Variants in SHISA9 observed in about 807,000 individuals in gnomAD.
SHISA9 encodes shisa family member 9, also known as protein shisa-9.
SHISA9 carries 13 observed loss-of-function variants against 38.0 expected under a neutral mutation model. That is an observed-to-expected ratio of 0.34 (90% CI 0.22 to 0.54). The LOEUF (loss-of-function observed/expected upper bound fraction) is 0.54, where lower values mean the gene tolerates loss of function less well. SHISA9 is among the 20% of genes least tolerant of loss of function. The pLI, the probability that SHISA9 is intolerant of heterozygous loss-of-function variation, is 0.91. For missense variants in SHISA9, 538 were observed against 575.8 expected, an observed-to-expected ratio of 0.93 and a Z score of 0.67; for synonymous variants, 275 against 242.0, an observed-to-expected ratio of 1.14 and a Z score of -1.27.
At chr16:13,471,312 A>T in the SHISA9 span, among the ~76,000 whole-genome samples, 4 of 152,212 alleles carry the variant, frequency 2.6e-5, no homozygotes, top group African/African-American at 9.6e-5. Context: ...GCTACATTGT[A>T]TAACATTTTT....
chr16:13,201,415 G>A (rs893753245), intron 2 of SHISA9, among the ~76,000 whole-genome samples: 1 of 135,456 alleles, frequency 7.4e-6, no homozygotes, highest in Non-Finnish European at 1.6e-5. Context: ...ATTTTTACTT[G>A]TATTATTTTT....
chr16:12,911,752 G>A (rs1430876137), intron 1 of SHISA9: 1 of 152,184 alleles, frequency 6.6e-6, no homozygotes, highest in African/African-American at 2.4e-5. Context: ...AGGGAGGGGA[G>A]TCCAGTTTAG....
In SHISA9 at chr16:13,200,285, G is replaced by A. The variant is rs192366536; in HGVS notation, c.692-3109G>A. ...TTGGTATGTTTCTTTATCCTTTATC[G>A]CCACTTGAGTTGTGTGATGAGCTGC... On this transcript the variant is annotated intron_variant, in intron 2 of 4. Coordinates refer to ENST00000558583, the MANE Select transcript of SHISA9 (RefSeq NM_001145204.3). 1.6e-3 allele frequency among the ~76,000 whole-genome samples: 249 copies of A among 151,874 alleles called. 2 individuals are homozygous for A. Among genetic ancestry groups the A allele is most frequent in the African/African-American group, 5.7e-3 (236 of 41,374 alleles).
chr16:13,496,313 A>G, the SHISA9 span, among the ~76,000 whole-genome samples: 1 of 152,118 alleles, frequency 6.6e-6, no homozygotes, highest in Non-Finnish European at 1.5e-5. Flanking sequence ...AGTTGTTATA[A>G]TAATAATAAG....
chr16:12,921,255 T>C (rs545395396), intron 2 of SHISA9, among the ~76,000 whole-genome samples: 1 of 152,270 alleles, frequency 6.6e-6, no homozygotes, highest in East Asian at 1.9e-4. Flanking sequence ...GAACATAAAA[T>C]CCATCAGAAA....
chr16:13,051,407 T>C (rs1328258154), intron 2 of SHISA9, among the ~76,000 whole-genome samples: 2 of 152,182 alleles, frequency 1.3e-5, no homozygotes, highest in Non-Finnish European at 2.9e-5. Context: ...TCGGGTTTAT[T>C]AAAATTCAAG....
chr16:13,036,746 A>AG (rs2073069877), intron 2 of SHISA9, among the ~76,000 whole-genome samples: 1 of 90,400 alleles, frequency 1.1e-5, no homozygotes, highest in African/African-American at 3.3e-5. Context: ...AGTTCAGAGG[A>AG]GGAAAAAAAA....
the SHISA9 span, among the ~76,000 whole-genome samples, chr16:13,472,920 G>A: frequency 6.6e-6 from 1 of 152,042 alleles, no homozygotes; most frequent in East Asian, 1.9e-4. Context: ...TTATAATAAC[G>A]ATTTTAATGT....
In SHISA9 at chr16:13,201,828, C is replaced by T. The variant is rs116010130; in HGVS notation, c.692-1566C>T. Among the ~76,000 whole-genome samples, 283 of 121,082 alleles carry T rather than the reference C, an allele frequency of 2.3e-3. 58 individuals carry two copies. The highest frequency in any genetic ancestry group is 8.9e-3 in the African/African-American group (260 of 29,312). 79.4% of individuals were successfully genotyped at this position (121,082 alleles called of 152,430 possible). A position where few individuals can be genotyped will look rare whatever the true frequency, so the allele number is the denominator to read the frequency against. On this transcript the variant is annotated intron_variant, in intron 2 of 4. Transcript: ENST00000558583. ...CCCCAGGGCAGTGGCTCCTATCAGC[C>T]AAGAGCAATTCTCTGGGTATTGAAG...
the SHISA9 span, among the ~76,000 whole-genome samples, chr16:13,519,295 A>C: frequency 6.6e-6 from 1 of 152,214 alleles, no homozygotes; most frequent in Non-Finnish European, 1.5e-5. Flanking sequence ...AATTTCTTTT[A>C]ATTATTGTAG....
the SHISA9 span, among the ~76,000 whole-genome samples, chr16:13,298,098 C>T: frequency 6.6e-6 from 1 of 152,146 alleles, no homozygotes; most frequent in Non-Finnish European, 1.5e-5. Flanking sequence ...ATGGACCTGC[C>T]AGGCTGCAGG....
At chr16:13,218,793 C>T (rs1013195790) in intron 4 of SHISA9, among the ~76,000 whole-genome samples, 6 of 152,180 alleles carry the variant, frequency 3.9e-5, no homozygotes, top group African/African-American at 1.4e-4. Context: ...GAGAAATGCT[C>T]ATGCAGGAGG....
intron 2 of SHISA9, among the ~76,000 whole-genome samples, chr16:13,001,342 G>T (rs4781376): frequency 0.44 from 66,106 of 151,944 alleles, 14,790 homozygotes; most frequent in African/African-American, 0.49. Flanking sequence ...TCTCCTCCCT[G>T]GGCTGGCCAA....
intron 2 of SHISA9, among the ~76,000 whole-genome samples, chr16:12,980,732 A>AT (rs1340748342): frequency 6.7e-6 from 1 of 150,204 alleles, no homozygotes; most frequent in South Asian, 2.1e-4. Flanking sequence ...TTTACCTTTA[A>AT]TTTTTTTTCT....
chr16:13,352,673 GGAAAGA>G, the SHISA9 span, among the ~76,000 whole-genome samples: 2 of 88,942 alleles, frequency 2.2e-5, no homozygotes, highest in African/African-American at 4.2e-5. Context: ...GGCTGAGTCC[GGAAAGA>G]GAGTCAGCGA....
chr16:13,528,392 A>C, the SHISA9 span, among the ~76,000 whole-genome samples: 1 of 151,542 alleles, frequency 6.6e-6, no homozygotes, highest in African/African-American at 2.4e-5. Flanking sequence ...TGCAAAGAAG[A>C]GGTCACAGAA....
the SHISA9 span, among the ~76,000 whole-genome samples, chr16:13,260,925 G>A: frequency 6.2e-4 from 94 of 152,296 alleles, no homozygotes; most frequent in African/African-American, 2.2e-3. Flanking sequence ...ATCATGGCAG[G>A]AGGCGAAAGG....
chr16:13,461,238 C>A, the SHISA9 span, among the ~76,000 whole-genome samples: 2 of 152,142 alleles, frequency 1.3e-5, no homozygotes, highest in East Asian at 3.9e-4. Context: ...GTCCTGGTGG[C>A]TGAACCCAAG....
chr16:13,075,467 A>G (rs1387977854), intron 2 of SHISA9, among the ~76,000 whole-genome samples: 1 of 151,880 alleles, frequency 6.6e-6, no homozygotes, highest in Non-Finnish European at 1.5e-5. Flanking sequence ...GTCCTGGTGC[A>G]CCTCCTGCCT....
Sources: gnomAD v4.1 joint callset for allele counts (sites outside exome capture counted in the v4.1 genomes callset) on GRCh38, gnomAD v4.1.1 for gene constraint, MANE v1.5 for transcripts, NCBI Gene and HGNC (gene_info 2026-07-23, HGNC 2026-07-21) for gene names.